Variants in UGT3A1 observed in about 807,000 individuals in gnomAD.
The protein encoded by UGT3A1 is UDP glycosyltransferase family 3 member A1, also known as UDP-glycosyltransferase 3A1.
A neutral mutation model predicts 37.6 loss-of-function variants in UGT3A1; 40 were observed. The observed-to-expected ratio is 1.06, with a 90% CI of 0.83 to 1.38. The LOEUF (loss-of-function observed/expected upper bound fraction) is 1.38, where lower values mean the gene tolerates loss of function less well. Ranked by LOEUF, UGT3A1 falls within the 40% of genes most tolerant of loss-of-function variation. The pLI is 0.00. For synonymous variants in UGT3A1, 256 were observed against 232.3 expected, an observed-to-expected ratio of 1.10 and a Z score of -0.93; for missense variants, 642 against 634.2, an observed-to-expected ratio of 1.01 and a Z score of -0.13.
In UGT3A1 at chr5:35,957,475, C is replaced by A; in HGVS notation, c.844-56G>T. 2.8e-6 allele frequency: 4 copies of A among 1,434,328 alleles called. No homozygotes were observed. The South Asian group carries it at 3.7e-5, about 13-fold the overall frequency. The allele number at this position is 1,434,328 out of a possible 1,614,324, so 88.9% of individuals were successfully genotyped here. On this transcript the variant is annotated intron_variant, in intron 4 of 6. Coordinates refer to ENST00000274278, the MANE Select transcript of UGT3A1 (RefSeq NM_152404.4). ...GCAAAATTGAGAACGCCTAAGTGTC[C>A]ATGAAATGAAACCCAGTCTATTTAC...
chr5:35,988,736 T>G (rs541342500), intron 1 of UGT3A1, among the ~76,000 whole-genome samples, 185 bp from the exon 2 acceptor site: 1 of 152,286 alleles, frequency 6.6e-6, no homozygotes, highest in African/African-American at 2.4e-5. Flanking sequence ...GCCCAGTACA[T>G]GCACCCAAAG....
chr5:35,994,446 T>C (rs890186642), upstream of UGT3A1, among the ~76,000 whole-genome samples: 5 of 151,416 alleles, frequency 3.3e-5, no homozygotes, highest in African/African-American at 1.2e-4. Context: ...TTCTCCACTC[T>C]GAAAAACAAA....
intron 1 of UGT3A1, among the ~76,000 whole-genome samples, chr5:35,999,642 C>A (rs1302934606): frequency 1.3e-5 from 2 of 152,102 alleles, no homozygotes; most frequent in Non-Finnish European, 2.9e-5. Flanking sequence ...TAAAATGAAA[C>A]CCTGGTGTAA....
At chr5:35,991,914 A>G (rs2111564328), upstream of UGT3A1, among the ~76,000 whole-genome samples, 1 of 152,326 alleles carries the variant, frequency 6.6e-6, no homozygotes, top group East Asian at 1.9e-4. Flanking sequence ...GAACACAGAG[A>G]CTATGATTCT....
chr5:35,962,632 TA>T (rs1739633145), intron 4 of UGT3A1: 1 of 472,222 alleles, frequency 2.1e-6, no homozygotes, highest in Non-Finnish European at 3.8e-6. Context: ...CTGCAAGGTA[TA>T]AAAAGCCTGC....
At chr5:35,958,744 T>A (rs1451802658) in intron 4 of UGT3A1, among the ~76,000 whole-genome samples, 2 of 152,220 alleles carry the variant, frequency 1.3e-5, no homozygotes, top group African/African-American at 4.8e-5. Flanking sequence ...TGCCCTGGAG[T>A]GGCAGACCAC....
chr5:35,960,387 T>C (rs943352721), intron 4 of UGT3A1, among the ~76,000 whole-genome samples: 2 of 152,184 alleles, frequency 1.3e-5, no homozygotes, highest in African/African-American at 4.8e-5. Context: ...TGCATTATGG[T>C]CAAATAAATT....
rs187697173 is a variant in UGT3A1, at chr5:35,989,028, T to C, written c.95-477A>G. On this transcript the variant is annotated intron_variant, in intron 1 of 6. Transcript: ENST00000274278. ...TATCTTTCATCCTATTTTGGAAAAG[T>C]ATGCTACTGTAGGAGACAGAAATAC... Among the ~76,000 whole-genome samples, 45 of 152,296 alleles carry C rather than the reference T, an allele frequency of 3.0e-4. No individual in the cohort carries two copies. The South Asian group carries it at 3.7e-3, about 13-fold the overall frequency.
At chr5:35,983,020 G>T (rs904040353) in intron 2 of UGT3A1, among the ~76,000 whole-genome samples, 1 of 152,130 alleles carries the variant, frequency 6.6e-6, no homozygotes, top group African/African-American at 2.4e-5. Context: ...TGCCACAATT[G>T]TAAGTTTCCT....
chr5:35,991,923 C>A (rs1303747237), upstream of UGT3A1, among the ~76,000 whole-genome samples: 1 of 152,188 alleles, frequency 6.6e-6, no homozygotes, highest in East Asian at 1.9e-4. Flanking sequence ...GACTATGATT[C>A]TGAATGTGTA....
chr5:35,959,875 G>A (rs767143680), intron 4 of UGT3A1, among the ~76,000 whole-genome samples: 12 of 152,104 alleles, frequency 7.9e-5, no homozygotes, highest in Non-Finnish European at 1.8e-4. Flanking sequence ...AAAAAGTCAA[G>A]TCTCCAAAGT....
At chr5:35,997,414 CT>C (rs1407400698) in intron 1 of UGT3A1, 2 of 145,014 alleles carry the variant, frequency 1.4e-5, no homozygotes, top group African/African-American at 2.5e-5. Context: ...ATATTAAAAG[CT>C]GATTTAGAGG....
rs1170672586 is a variant in UGT3A1, at chr5:35,954,317, A to G, written c.1457T>C (p.Ile486Thr). 1.1e-5 allele frequency: 18 copies of G among 1,614,184 alleles called. No homozygotes were observed. Among genetic ancestry groups the G allele is most frequent in the East Asian group, 8.9e-5 (4 of 44,880 alleles). ...FQQPWHEQYL[I>T]DVFVFLLGLT... ...CCCCAGCAGAAACACAAAGACATCA[A>G]TGAGGTACTGCTCATGCCAAGGCTG... is the stretch of plus-strand genomic sequence containing the variant. The change falls in exon 7 of 7, where the codon ATT (isoleucine) becomes ACT (threonine). Residue 486 changes from isoleucine to threonine, a missense_variant. By Grantham distance (89) the Ile-to-Thr change is moderately conservative. Coordinates refer to ENST00000274278, the MANE Select transcript of UGT3A1 (RefSeq NM_152404.4).
intron 1 of UGT3A1, among the ~76,000 whole-genome samples, chr5:35,990,023 C>T (rs1205126608): frequency 3.3e-5 from 5 of 150,420 alleles, no homozygotes; most frequent in African/African-American, 1.2e-4. Context: ...ACCCGGGAGG[C>T]GGAGCTTGCA....
intron 6 of UGT3A1, 196 bp downstream of exon 6, chr5:35,955,449 G>A (rs956496490): frequency 4.6e-6 from 3 of 646,392 alleles, no homozygotes; most frequent in Admixed American, 2.7e-5. Flanking sequence ...AGGTAGGAAA[G>A]TAATTCTCAG....
At chr5:35,990,077 G>T (rs1388129214) in intron 1 of UGT3A1, among the ~76,000 whole-genome samples, 4 of 148,074 alleles carry the variant, frequency 2.7e-5, no homozygotes, top group African/African-American at 1.0e-4. Flanking sequence ...GGGCGACAGA[G>T]CAAGACTCCG....
At chr5:35,973,552 G>A (rs996834157) in intron 2 of UGT3A1, among the ~76,000 whole-genome samples, 1 of 152,148 alleles carries the variant, frequency 6.6e-6, no homozygotes, top group South Asian at 2.1e-4. Flanking sequence ...ATCTGTCTTG[G>A]TACCCTGAAA....
At chr5:35,994,482 T>C (rs1741047969), upstream of UGT3A1, among the ~76,000 whole-genome samples, 1 of 152,020 alleles carries the variant, frequency 6.6e-6, no homozygotes, top group East Asian at 1.9e-4. Flanking sequence ...CCTCTCAGCC[T>C]TTTGTGGCAT....
upstream of UGT3A1, among the ~76,000 whole-genome samples, chr5:35,993,936 G>A (rs973242045): frequency 6.6e-6 from 1 of 151,436 alleles, no homozygotes; most frequent in African/African-American, 2.4e-5. Flanking sequence ...CAAACAAAAA[G>A]CTCCTTTTTT....
Sources: gnomAD v4.1 joint callset for allele counts (sites outside exome capture counted in the v4.1 genomes callset) on GRCh38, gnomAD v4.1.1 for gene constraint, MANE v1.5 for transcripts, NCBI Gene and HGNC (gene_info 2026-07-23, HGNC 2026-07-21) for gene names.